The following TRPC4 variants were observed in gnomAD, a reference collection of about 807,000 sequenced individuals.
The protein encoded by TRPC4 is transient receptor potential cation channel subfamily C member 4.
Under a neutral mutation model 99.4 loss-of-function variants are expected in TRPC4, and 49 were observed. The observed-to-expected ratio is 0.49, with a 90% CI of 0.39 to 0.63. The LOEUF is 0.63. Among genes scored for constraint, TRPC4 ranks in the 20% least tolerant of loss-of-function variants. TRPC4 has a pLI of 0.00. For missense variants in TRPC4, 898 were observed against 1,152.9 expected (o/e 0.78, Z 3.20); for synonymous variants, 454 against 425.9 (o/e 1.07, Z -0.81).
chr13:37,683,488 A>G (rs896200251), intron 4 of TRPC4, among the ~76,000 whole-genome samples: 1 of 152,232 alleles, frequency 6.6e-6, no homozygotes, highest in African/African-American at 2.4e-5. Flanking sequence ...TGCTGGTTAC[A>G]GGAGTGGAGG....
chr13:37,665,009 C>T (rs549694060), intron 5 of TRPC4, among the ~76,000 whole-genome samples: 1 of 152,196 alleles, frequency 6.6e-6, no homozygotes, highest in South Asian at 2.1e-4. Context: ...CTTGAACATT[C>T]CCACACATAG....
At chr13:37,638,156 A>C (rs1375357606) in intron 10 of TRPC4, among the ~76,000 whole-genome samples, 1 of 151,886 alleles carries the variant, frequency 6.6e-6, no homozygotes, top group African/African-American at 2.4e-5. Context: ...ATCTAACAGC[A>C]TTTCTTAGAC....
intron 1 of TRPC4, among the ~76,000 whole-genome samples, chr13:37,804,287 G>C (rs1957476537): frequency 6.6e-6 from 1 of 151,970 alleles, no homozygotes; most frequent in African/African-American, 2.4e-5. Flanking sequence ...TAACATTATT[G>C]TAAGTACTTT....
chr13:37,636,402 A>G lies in TRPC4; in HGVS notation c.*501T>C, dbSNP rs1413030604. ...TGCTTTGTGTACAATAATTATTTAC[A>G]TGTCGTTAAGAAATAATTTGGTAAT... is the stretch of plus-strand genomic sequence containing the variant. On this transcript the variant is annotated 3_prime_UTR_variant, in exon 11 of 11. Coordinates refer to ENST00000379705, the MANE Select transcript of TRPC4 (RefSeq NM_016179.4). Among the ~76,000 whole-genome samples the G allele has an allele frequency of 6.6e-6, 1 of 152,142 alleles. No homozygotes were observed. The highest frequency in any genetic ancestry group is 2.4e-5 in the African/African-American group (1 of 41,442).
chr13:37,674,300 C>A lies in TRPC4; in HGVS notation c.1302G>T (p.Trp434Cys). The A allele has an allele frequency of 6.2e-7, 1 of 1,608,306 alleles. No individual in the cohort carries two copies. Among genetic ancestry groups the A allele is most frequent in the Non-Finnish European group, 8.5e-7 (1 of 1,178,428 alleles). The change falls in exon 5 of 11, where the codon TGG (tryptophan) becomes TGT (cysteine). Residue 434 changes from tryptophan (W) to cysteine (C), a missense_variant. Physicochemically the swap from Trp to Cys is radical, Grantham distance 215. Coordinates refer to ENST00000379705, the MANE Select transcript of TRPC4 (RefSeq NM_016179.4). The part of the protein sequence containing the change: ...GGLQDYIHDW[W>C]NLMDFVMNSL... ...AGTTCATTACAAAGTCCATTAGATTCCACCAATCATGGATGTAGTCCTGAA... is the reference window on the plus strand; with the variant it reads ...AGTTCATTACAAAGTCCATTAGATTACACCAATCATGGATGTAGTCCTGAA...
Position 37,815,739 on chromosome 13 carries a change from C to G in TRPC4, c.-27-32379G>C, listed in dbSNP as rs140163899. Among the ~76,000 whole-genome samples, 41 of 151,874 alleles carry G rather than the reference C, an allele frequency of 2.7e-4. No homozygotes were observed. In the East Asian group the frequency reaches 4.9e-3, roughly 18 times the overall value. On this transcript the variant is annotated intron_variant, in intron 1 of 10. Coordinates refer to ENST00000379705, the MANE Select transcript of TRPC4 (RefSeq NM_016179.4). ...ACAAAACTAACAAAGATATTCAGAACCTGAACTTGACAGTTGATCAAACAG... is the reference window on the plus strand; with the variant it reads ...ACAAAACTAACAAAGATATTCAGAAGCTGAACTTGACAGTTGATCAAACAG...
chr13:37,650,610 T>TCTCTACACAC (rs763182248), intron 8 of TRPC4, among the ~76,000 whole-genome samples: 6 of 65,088 alleles, frequency 9.2e-5, no homozygotes, highest in East Asian at 9.9e-4. Flanking sequence ...TCTCTCTCTC[T>TCTCTACACAC]ATACACACAC....
rs1952179581 is a variant in TRPC4, at chr13:37,655,076, T to G, written c.1884+12A>C. On this transcript the variant is annotated intron_variant, in intron 7 of 10. Coordinates refer to ENST00000379705, the MANE Select transcript of TRPC4 (RefSeq NM_016179.4). ...AGGAAACATTGAATTAAAATAAAGCTGGTCAACTTACAGCAATCAGTTGGT... is the reference window on the plus strand; with the variant it reads ...AGGAAACATTGAATTAAAATAAAGCGGGTCAACTTACAGCAATCAGTTGGT... 1 of 1,468,728 alleles carries G rather than the reference T, an allele frequency of 6.8e-7. No homozygotes were observed. The highest frequency in any genetic ancestry group is 2.1e-5 in the Admixed American group (1 of 47,298). The allele number at this position is 1,468,728 out of a possible 1,614,324, so 91.0% of individuals were successfully genotyped here.
chr13:37,755,120 C>T (rs1015857063), intron 2 of TRPC4, among the ~76,000 whole-genome samples: 2 of 152,040 alleles, frequency 1.3e-5, no homozygotes, highest in African/African-American at 4.8e-5. Flanking sequence ...TCTGAAGTGA[C>T]ATTCATACAA....
At chr13:37,707,880 G>A (rs1954341422) in intron 3 of TRPC4, among the ~76,000 whole-genome samples, 1 of 152,082 alleles carries the variant, frequency 6.6e-6, no homozygotes, top group Non-Finnish European at 1.5e-5. Flanking sequence ...CTTAAGAAAT[G>A]ATAAAAGACA....
At chr13:37,661,422 G>A (rs1305711091) in intron 6 of TRPC4, among the ~76,000 whole-genome samples, 1 of 152,322 alleles carries the variant, frequency 6.6e-6, no homozygotes, top group Middle Eastern at 3.4e-3. Context: ...GAATCAGATA[G>A]GTGAGAAGGG....
chr13:37,867,055 A>C (rs989091801), intron 1 of TRPC4, among the ~76,000 whole-genome samples: 6 of 151,764 alleles, frequency 4.0e-5, no homozygotes, highest in African/African-American at 7.3e-5. Flanking sequence ...TTCATAAGCT[A>C]TATGGCAATG....
Position 37,636,618 on chromosome 13 carries a change from C to T in TRPC4, c.*285G>A. ...CATTTGTTTTAATTGAAAAAGATAGCTAAAATGTTTCTGTGGGTTATTGCA... is the reference window on the plus strand; with the variant it reads ...CATTTGTTTTAATTGAAAAAGATAGTTAAAATGTTTCTGTGGGTTATTGCA... On this transcript the variant is annotated 3_prime_UTR_variant, in exon 11 of 11. Transcript: ENST00000379705. 4.1e-6 allele frequency: 1 copy of T among 246,266 alleles called. No homozygotes were observed. Among genetic ancestry groups the T allele is most frequent in the Non-Finnish European group, 7.7e-6 (1 of 130,434 alleles). The allele number at this position is 246,266 out of a possible 1,614,324, so 15.3% of individuals were successfully genotyped here.
intron 1 of TRPC4, among the ~76,000 whole-genome samples, chr13:37,864,087 T>C (rs970773456): frequency 1.3e-5 from 2 of 151,620 alleles, no homozygotes; most frequent in African/African-American, 2.4e-5. Flanking sequence ...AGAATGAAAA[T>C]AATTTAAAAC....
intron 5 of TRPC4, among the ~76,000 whole-genome samples, chr13:37,667,700 G>T (rs1002323993): frequency 1.3e-5 from 2 of 152,104 alleles, no homozygotes; most frequent in African/African-American, 4.8e-5. Context: ...ATGACCTTCT[G>T]ATTTTTCAAC....
chr13:37,723,907 C>A (rs2139047148), intron 3 of TRPC4, among the ~76,000 whole-genome samples: 1 of 152,010 alleles, frequency 6.6e-6, no homozygotes, highest in East Asian at 1.9e-4. Flanking sequence ...ATAAAACATA[C>A]CTATATTGAT....
At position 37,671,564 on chromosome 13, in the gene TRPC4, C is replaced by G. The variant is rs1231299329; in HGVS notation, c.1374+2664G>C. Among the ~76,000 whole-genome samples, 5 of 137,646 alleles carry G rather than the reference C, an allele frequency of 3.6e-5. No homozygotes were observed. The Admixed American group carries it at 3.9e-4, about 11-fold the overall frequency. The allele number at this position is 137,646 out of a possible 152,430, so 90.3% of individuals were successfully genotyped here. ...GACTCATAGTACATGAGAAAGAAAG[C>G]AAAGACAAAAGTAAAAAAAAAAAGA... On this transcript the variant is annotated intron_variant, in intron 5 of 10. Transcript: ENST00000379705.
chr13:37,707,104 A>G (rs1954306505), intron 3 of TRPC4, among the ~76,000 whole-genome samples: 2 of 152,222 alleles, frequency 1.3e-5, no homozygotes, highest in African/African-American at 4.8e-5. Context: ...AACATTGGGA[A>G]GAAATATCAA....
At chr13:37,833,952 C>T (rs768146714) in intron 1 of TRPC4, among the ~76,000 whole-genome samples, 7 of 152,276 alleles carry the variant, frequency 4.6e-5, no homozygotes, top group Non-Finnish European at 7.3e-5. Flanking sequence ...TCAAGTGTAG[C>T]GGTTATACTT....
Sources: gnomAD v4.1 joint callset for allele counts (sites outside exome capture counted in the v4.1 genomes callset) on GRCh38, gnomAD v4.1.1 for gene constraint, MANE v1.5 for transcripts, NCBI Gene and HGNC (gene_info 2026-07-23, HGNC 2026-07-21) for gene names.